Variants in DNAH14 observed in about 807,000 individuals in gnomAD.
DNAH14 encodes axonemal beta dynein heavy chain 14.
A neutral mutation model predicts 520.9 loss-of-function variants in DNAH14; 478 were observed. The ratio of observed to expected loss-of-function variants is 0.92; its 90% CI spans 0.85 to 0.99. The LOEUF is 0.99. Among genes scored for constraint, DNAH14 ranks in the 50% least tolerant of loss-of-function variants. The pLI, the probability that DNAH14 is intolerant of heterozygous loss-of-function variation, is 0.00. For missense variants in DNAH14, 4,831 were observed against 5,234.5 expected, an observed-to-expected ratio of 0.92 and a Z score of 2.38; for synonymous variants, 1,581 against 1,757.2, an observed-to-expected ratio of 0.90 and a Z score of 2.51.
intron 37 of DNAH14, among the ~76,000 whole-genome samples, chr1:225,191,684 G>A (rs1449473971): frequency 4.0e-5 from 6 of 151,824 alleles, no homozygotes; most frequent in African/African-American, 1.5e-4. Context: ...ATAATGTATA[G>A]ATTGATATGC....
chr1:225,139,493 A>G (rs2079239915), intron 27 of DNAH14, among the ~76,000 whole-genome samples: 1 of 152,200 alleles, frequency 6.6e-6, no homozygotes, highest in African/African-American at 2.4e-5. Flanking sequence ...ACTTCTACGT[A>G]TGTCACATGA....
chr1:225,099,437 T>C (rs1369163390), intron 22 of DNAH14, among the ~76,000 whole-genome samples: 1 of 152,112 alleles, frequency 6.6e-6, no homozygotes, highest in East Asian at 1.9e-4. Flanking sequence ...TCACAAAGTC[T>C]GGAAACATTT....
intron 1 of DNAH14, among the ~76,000 whole-genome samples, chr1:224,943,352 G>T (rs573270269): frequency 1.3e-5 from 2 of 151,750 alleles, no homozygotes; most frequent in African/African-American, 2.4e-5. Context: ...TCCCTTTCTC[G>T]TTTTTTATTG....
intron 10 of DNAH14, among the ~76,000 whole-genome samples, chr1:225,021,051 A>G (rs1289695074): frequency 6.6e-6 from 1 of 152,242 alleles, no homozygotes; most frequent in Non-Finnish European, 1.5e-5. Flanking sequence ...CAAATACCAC[A>G]TGATCATCTC....
At position 225,335,517 on chromosome 1, in the gene DNAH14, G is replaced by A. The variant is rs1289379480; in HGVS notation, c.10081-1749G>A. Among the ~76,000 whole-genome samples, 520 of 101,850 alleles carry A rather than the reference G, an allele frequency of 5.1e-3. 53 individuals are homozygous for A. The highest frequency in any genetic ancestry group is 6.8e-3 in the Non-Finnish European group (342 of 50,518). The allele number at this position is 101,850 out of a possible 152,430, so 66.8% of individuals were successfully genotyped here. On this transcript the variant is annotated intron_variant, in intron 66 of 85. Transcript: ENST00000682510. ...TGTGTACATGTACACATATACATAT[G>A]TACATATATACATATGTACATATAT... is the stretch of plus-strand genomic sequence containing the variant.
intron 23 of DNAH14, among the ~76,000 whole-genome samples, chr1:225,116,126 A>T (rs2076855639): frequency 6.6e-6 from 1 of 152,226 alleles, no homozygotes; most frequent in Non-Finnish European, 1.5e-5. Flanking sequence ...CAGGTATGGC[A>T]CATTCTGGAT....
intron 11 of DNAH14, among the ~76,000 whole-genome samples, chr1:225,032,302 G>T (rs2066589865): frequency 6.6e-6 from 1 of 151,746 alleles, no homozygotes; most frequent in Non-Finnish European, 1.5e-5. Context: ...TTATCATTTA[G>T]CTCCCACTTA....
intron 3 of DNAH14, 91 bp from the exon 4 acceptor site, chr1:224,960,062 A>G (rs957704141): frequency 3.7e-5 from 48 of 1,290,450 alleles, no homozygotes; most frequent in Non-Finnish European, 4.9e-5. Flanking sequence ...GCCTTATATA[A>G]TCATTAACTG....
At position 225,398,530 on chromosome 1, in the gene DNAH14, C is replaced by T. The variant is rs1206146452; in HGVS notation, c.13502C>T (p.Ser4501Phe). 1 of 1,551,684 alleles carries T rather than the reference C, an allele frequency of 6.4e-7. No individual in the cohort carries two copies. The change falls in exon 85 of 86, where the codon TCC (serine) becomes TTC (phenylalanine). Residue 4501 changes from serine to phenylalanine, a missense_variant. Ser to Phe is a radical substitution (Grantham distance 155, BLOSUM62 -2). Transcript: ENST00000682510. ...IVRRAFKGSA[S>F]SHTGVYIFGL... ...TCTCTTCCATCTTAGGGCTCAGCTT[C>T]CTCTCACACTGGAGTTTACATTTTT... is the stretch of plus-strand genomic sequence containing the variant.
chr1:225,162,801 C>T (rs185442670), intron 35 of DNAH14, among the ~76,000 whole-genome samples: 1 of 152,138 alleles, frequency 6.6e-6, no homozygotes, highest in Admixed American at 6.5e-5. Flanking sequence ...AATGGGATTA[C>T]TTTTATTTCT....
rs1032833167 is a variant in DNAH14 at position 224,970,843 on chromosome 1, G to T, written c.767+1969G>T. Among the ~76,000 whole-genome samples, 4 of 151,986 alleles carry T rather than the reference G, an allele frequency of 2.6e-5. No individual in the cohort carries two copies. The South Asian group carries it at 8.3e-4, about 32-fold the overall frequency. The stretch of plus-strand genomic sequence containing the variant: ...TTGACTTGGGTTTGCCTTTTTTTCT[G>T]TGCATATATTTATTTATATGAATAT... On this transcript the variant is annotated intron_variant, in intron 7 of 85. Transcript: ENST00000682510.
At chr1:225,184,094 A>G (rs986258867) in intron 36 of DNAH14, among the ~76,000 whole-genome samples, 1 of 152,204 alleles carries the variant, frequency 6.6e-6, no homozygotes, top group Non-Finnish European at 1.5e-5. Context: ...TTATCCTAAT[A>G]TCAAAATCAG....
intron 22 of DNAH14, 91 bp from the exon 23 acceptor site, chr1:225,100,621 TC>T: frequency 3.0e-6 from 3 of 1,010,058 alleles, no homozygotes; most frequent in Non-Finnish European, 4.1e-6. Context: ...GTTTTATAAC[TC>T]AAACAGTATT....
chr1:225,259,107 AT>A lies in DNAH14; in HGVS notation c.7025-8del. Reference sequence around the variant, plus strand: ...CTTGCATATACATCTAACCTTGTGTATTTTTTCCCTTAGGAGAATCTGGTGT... The same window carrying A: ...CTTGCATATACATCTAACCTTGTGTATTTTTCCCTTAGGAGAATCTGGTGT... On this transcript the variant is annotated splice_polypyrimidine_tract_variant and intron_variant, in intron 45 of 85. Coordinates refer to ENST00000682510, the MANE Select transcript of DNAH14 (RefSeq NM_001367479.1). The A allele has an allele frequency of 1.3e-6, 2 of 1,537,296 alleles. No individual in the cohort carries two copies. Among genetic ancestry groups the A allele is most frequent in the Non-Finnish European group, 1.7e-6 (2 of 1,142,904 alleles).
intron 53 of DNAH14, among the ~76,000 whole-genome samples, chr1:225,276,827 A>T (rs1228875849): frequency 6.6e-6 from 1 of 150,940 alleles, no homozygotes; most frequent in Non-Finnish European, 1.5e-5. Context: ...GGGCTGAGGC[A>T]AGAGGATTGC....
At chr1:225,039,734 C>T (rs1363828721) in intron 12 of DNAH14, among the ~76,000 whole-genome samples, 4 of 149,822 alleles carry the variant, frequency 2.7e-5, no homozygotes, top group Non-Finnish European at 5.9e-5. Flanking sequence ...AAAAATTAGC[C>T]GGGCGTAGTG....
rs555803446 is a variant in DNAH14 at position 225,383,486 on chromosome 1, C to T, written c.13077+1907C>T. 3.9e-5 allele frequency among the ~76,000 whole-genome samples: 6 copies of T among 152,268 alleles called. No individual in the cohort carries two copies. In the South Asian group the frequency reaches 1.2e-3, roughly 32 times the overall value. Reference sequence around the variant, plus strand: ...AGGACTCCACACGTGCAAAGTTAGGCTGAAAGAACAATGATGAGTTGGTAC... The same window carrying T: ...AGGACTCCACACGTGCAAAGTTAGGTTGAAAGAACAATGATGAGTTGGTAC... On this transcript the variant is annotated intron_variant, in intron 81 of 85. Transcript: ENST00000682510.
At chr1:225,148,090 A>G (rs1471240135) in intron 31 of DNAH14, among the ~76,000 whole-genome samples, 2 of 152,210 alleles carry the variant, frequency 1.3e-5, no homozygotes, top group Non-Finnish European at 2.9e-5. Flanking sequence ...TGCTGCAATG[A>G]ACATACCCAG....
intron 17 of DNAH14, among the ~76,000 whole-genome samples, chr1:225,072,909 G>A (rs1283259094): frequency 6.6e-6 from 1 of 152,076 alleles, no homozygotes; most frequent in Non-Finnish European, 1.5e-5. Flanking sequence ...AGGACCAGCT[G>A]CCAGCCTGAA....
Sources: allele counts gnomAD v4.1 joint callset (sites outside exome capture counted in the v4.1 genomes callset), GRCh38; gene constraint gnomAD v4.1.1; transcripts MANE v1.5; gene names NCBI Gene and HGNC (gene_info 2026-07-23, HGNC 2026-07-21).